Variants in ARIH1 observed in about 807,000 individuals in gnomAD.
The protein encoded by ARIH1 is E3 ubiquitin-protein ligase ARIH1.
ARIH1 carries 8 observed loss-of-function variants against 85.0 expected under a neutral mutation model. The ratio of observed to expected loss-of-function variants is 0.09; its 90% CI spans 0.06 to 0.17. ARIH1 has a LOEUF of 0.17. Among genes scored for constraint, ARIH1 ranks in the 10% least tolerant of loss-of-function variants. The probability of loss-of-function intolerance (pLI) is 1.00; values close to 1 mark genes in which losing one functional copy is unlikely to be tolerated. For missense variants in ARIH1, 311 were observed against 718.1 expected, an observed-to-expected ratio of 0.43 and a Z score of 6.48; for synonymous variants, 238 against 253.6, an observed-to-expected ratio of 0.94 and a Z score of 0.59.
chr15:72,508,521 C>G (rs1441636376), intron 1 of ARIH1, among the ~76,000 whole-genome samples: 1 of 152,166 alleles, frequency 6.6e-6, no homozygotes, highest in African/African-American at 2.4e-5. Context: ...AGACACTTAA[C>G]CTCTGTAACC....
intron 5 of ARIH1, among the ~76,000 whole-genome samples, chr15:72,556,730 T>C (rs919303519): frequency 1.3e-5 from 2 of 152,218 alleles, no homozygotes; most frequent in Non-Finnish European, 2.9e-5. Context: ...CTACCCACTC[T>C]AGTAGTCCCC....
intron 3 of ARIH1, among the ~76,000 whole-genome samples, chr15:72,547,051 C>G (rs928297356): frequency 6.6e-6 from 1 of 151,826 alleles, no homozygotes; most frequent in Non-Finnish European, 1.5e-5. Context: ...CCTCAGCCTC[C>G]CGAGTAGCTG....
At chr15:72,559,772 A>G (rs2064190104) in intron 5 of ARIH1, among the ~76,000 whole-genome samples, 1 of 152,188 alleles carries the variant, frequency 6.6e-6, no homozygotes, top group Non-Finnish European at 1.5e-5. Flanking sequence ...GACATTTCAT[A>G]TAAAGGGAAT....
intron 11 of ARIH1, among the ~76,000 whole-genome samples, chr15:72,573,640 C>G (rs2064258003): frequency 6.6e-6 from 1 of 151,704 alleles, no homozygotes; most frequent in Non-Finnish European, 1.5e-5. Flanking sequence ...ATGTTTGGGT[C>G]CATTTAAGGG....
intron 2 of ARIH1, among the ~76,000 whole-genome samples, chr15:72,530,629 A>C (rs906979592): frequency 6.6e-6 from 1 of 152,226 alleles, no homozygotes; most frequent in Non-Finnish European, 1.5e-5. Flanking sequence ...AAACATAACA[A>C]CCTGGAACTT....
At chr15:72,526,394 T>C (rs2064028528) in intron 2 of ARIH1, among the ~76,000 whole-genome samples, 3 of 152,144 alleles carry the variant, frequency 2.0e-5, no homozygotes. Flanking sequence ...TTTAAACAAA[T>C]TTATACTGAC....
At chr15:72,535,640 T>C (rs1233652319) in intron 2 of ARIH1, among the ~76,000 whole-genome samples, 1 of 152,242 alleles carries the variant, frequency 6.6e-6, no homozygotes, top group Non-Finnish European at 1.5e-5. Context: ...TTTCTTTTTA[T>C]ATACTTGAAG....
intron 5 of ARIH1, among the ~76,000 whole-genome samples, chr15:72,560,608 T>C (rs2064193548): frequency 6.6e-6 from 1 of 152,172 alleles, no homozygotes; most frequent in Non-Finnish European, 1.5e-5. Flanking sequence ...GAGGCAGCCT[T>C]ATGCACAGCC....
At chr15:72,555,187 C>A in intron 3 of ARIH1, 84 bp from the exon 4 acceptor site, 1 of 966,822 alleles carries the variant, frequency 1.0e-6, no homozygotes, top group Non-Finnish European at 1.6e-6. Context: ...AGAAATGTGA[C>A]CTTACAGAGC....
At chr15:72,540,628 A>C (rs1222591605) in intron 2 of ARIH1, among the ~76,000 whole-genome samples, 1 of 152,164 alleles carries the variant, frequency 6.6e-6, no homozygotes, top group Non-Finnish European at 1.5e-5. Context: ...GCAGTATTTG[A>C]AAGTTCCTTT....
chr15:72,591,342 C>T lies in ARIH1; in HGVS notation c.*8050C>T, dbSNP rs1167302345. The T allele has an allele frequency of 6.6e-6, 1 of 151,342 alleles. No individual in the cohort carries two copies. Among genetic ancestry groups the T allele is most frequent in the Non-Finnish European group, 1.5e-5 (1 of 67,928 alleles). 9.4% of individuals were successfully genotyped at this position (151,342 alleles called of 1,614,324 possible). Reference sequence around the variant, plus strand: ...AAACGTTTCTATAGATTTTGGATTTCCTTCTGATAGCTAAAATTTGTTTCT... The same window carrying T: ...AAACGTTTCTATAGATTTTGGATTTTCTTCTGATAGCTAAAATTTGTTTCT... On this transcript the variant is annotated 3_prime_UTR_variant, in exon 14 of 14. Transcript: ENST00000379887.
At position 72,534,959 on chromosome 15, in the gene ARIH1, C is replaced by CTT. The variant is rs59841210; in HGVS notation, c.444-9851_444-9850dup. Among the ~76,000 whole-genome samples, 8 of 73,910 alleles carry CTT rather than the reference C, an allele frequency of 1.1e-4. 2 individuals carry two copies. Among genetic ancestry groups the CTT allele is most frequent in the Non-Finnish European group, 2.8e-4 (8 of 28,458 alleles). The allele number at this position is 73,910 out of a possible 152,430, so 48.5% of individuals were successfully genotyped here. ...CCTATGTCTTCTTATTGTCTGTATT[C>CTT]TTTTTTTTTTTGAGACGGAGTCTCG... On this transcript the variant is annotated intron_variant, in intron 2 of 13. Transcript: ENST00000379887.
chr15:72,479,944 C>T (rs992832268), intron 1 of ARIH1, among the ~76,000 whole-genome samples: 19 of 150,440 alleles, frequency 1.3e-4, no homozygotes, highest in Non-Finnish European at 2.4e-4. Context: ...CTCGGCTCAC[C>T]GCAAGCTCCG....
chr15:72,566,291 C>T (rs551250727), intron 7 of ARIH1: 32 of 413,572 alleles, frequency 7.7e-5, no homozygotes, highest in Middle Eastern at 6.3e-4. Context: ...GTCTGAGGCA[C>T]CTTAGCAACA....
intron 2 of ARIH1, among the ~76,000 whole-genome samples, chr15:72,532,085 G>A (rs191980238): frequency 2.0e-5 from 3 of 150,970 alleles, no homozygotes; most frequent in South Asian, 2.1e-4. Flanking sequence ...ATAAATATAG[G>A]GAAAATACAA....
In ARIH1 at chr15:72,594,848, C is replaced by T. The variant is rs1257352278; in HGVS notation, c.*11556C>T. 1.0e-5 allele frequency: 1 copy of T among 100,386 alleles called. No individual in the cohort carries two copies. Among genetic ancestry groups the T allele is most frequent in the Non-Finnish European group, 1.7e-5 (1 of 60,032 alleles). 6.2% of individuals were successfully genotyped at this position (100,386 alleles called of 1,614,324 possible). A position where few individuals can be genotyped will look rare whatever the true frequency, so the allele number is the denominator to read the frequency against. On this transcript the variant is annotated 3_prime_UTR_variant, in exon 14 of 14. Transcript: ENST00000379887. ...TTTTTTTTTTTTTTTTGTCTTTCTC[C>T]ACTGGCTACAATATCTAGTGCAATG...
At chr15:72,508,994 C>CTT (rs34620007) in intron 1 of ARIH1, among the ~76,000 whole-genome samples, 38 of 137,088 alleles carry the variant, frequency 2.8e-4, no homozygotes, top group African/African-American at 3.7e-4. Context: ...GTGCCTGGCC[C>CTT]TTTTTTTTTT....
Position 72,589,580 on chromosome 15 carries a change from A to G in ARIH1, c.*6288A>G, listed in dbSNP as rs1050609277. 3.9e-5 allele frequency: 6 copies of G among 152,212 alleles called. No individual in the cohort carries two copies. The highest frequency in any genetic ancestry group is 7.3e-5 in the Non-Finnish European group (5 of 68,040). The allele number at this position is 152,212 out of a possible 1,614,324, so 9.4% of individuals were successfully genotyped here. On this transcript the variant is annotated 3_prime_UTR_variant, in exon 14 of 14. Transcript: ENST00000379887. Reference sequence around the variant, plus strand: ...TGTTAACTGTTCCTGACACATGTAGACAGAACCAATCAGATCCATGGGGCA... The same window carrying G: ...TGTTAACTGTTCCTGACACATGTAGGCAGAACCAATCAGATCCATGGGGCA...
rs531311962 is a variant in ARIH1 at position 72,495,778 on chromosome 15, G to T, written c.375+20764G>T. Among the ~76,000 whole-genome samples, 4 of 152,210 alleles carry T rather than the reference G, an allele frequency of 2.6e-5. No homozygotes were observed. In the South Asian group the frequency reaches 6.2e-4, roughly 24 times the overall value. On this transcript the variant is annotated intron_variant, in intron 1 of 13. Coordinates refer to ENST00000379887, the MANE Select transcript of ARIH1 (RefSeq NM_005744.5). ...GTATCAAAACACAATATTTATACTG[G>T]CTTGAGCTAGAATGTTGAGACATTG...
Sources: gnomAD v4.1 joint callset for allele counts (sites outside exome capture counted in the v4.1 genomes callset) on GRCh38, gnomAD v4.1.1 for gene constraint, MANE v1.5 for transcripts, NCBI Gene and HGNC (gene_info 2026-07-23, HGNC 2026-07-21) for gene names.